Variants in RNGTT observed in about 807,000 individuals in gnomAD.
RNGTT encodes mRNA-capping enzyme.
In RNGTT, 33 loss-of-function variants were observed where a neutral mutation model predicts 79.3. The ratio of observed to expected loss-of-function variants is 0.42; its 90% confidence interval spans 0.32 to 0.56. The LOEUF is 0.56. RNGTT is among the 20% of genes least tolerant of loss of function. The pLI is 0.17. For missense variants in RNGTT, 497 were observed against 739.1 expected (o/e 0.67, Z 3.80); for synonymous variants, 222 against 235.9 (o/e 0.94, Z 0.54).
chr6:88,750,665 A>G (rs1184176062), intron 13 of RNGTT, among the ~76,000 whole-genome samples: 3 of 152,094 alleles, frequency 2.0e-5, no homozygotes, highest in Non-Finnish European at 2.9e-5. Flanking sequence ...TGATTTATTT[A>G]CTTCCATTAA....
At chr6:88,914,500 T>C (rs7452602) in intron 4 of RNGTT, among the ~76,000 whole-genome samples, 52,346 of 151,850 alleles carry the variant, frequency 0.34, 10,927 homozygotes, top group African/African-American at 0.59. Context: ...CTACAACTAA[T>C]CGATCTTCAA....
At chr6:88,689,548 C>G (rs1366861049) in intron 13 of RNGTT, among the ~76,000 whole-genome samples, 1 of 149,598 alleles carries the variant, frequency 6.7e-6, no homozygotes, top group African/African-American at 2.5e-5. Flanking sequence ...GAGCCGAGAT[C>G]GCGCCATTGC....
intron 13 of RNGTT, among the ~76,000 whole-genome samples, chr6:88,750,358 G>C (rs750682800): frequency 5.3e-5 from 8 of 152,196 alleles, no homozygotes; most frequent in African/African-American, 1.9e-4. Context: ...GCAATATAAT[G>C]CAAGTTTGAA....
intron 14 of RNGTT, among the ~76,000 whole-genome samples, chr6:88,639,932 C>T (rs1773245773): frequency 6.6e-6 from 1 of 152,162 alleles, no homozygotes; most frequent in Non-Finnish European, 1.5e-5. Flanking sequence ...CTCCTTCACA[C>T]CCTTCAATTC....
At chr6:88,845,387 T>A (rs1233726039) in intron 10 of RNGTT, among the ~76,000 whole-genome samples, 1 of 152,226 alleles carries the variant, frequency 6.6e-6, no homozygotes, top group Non-Finnish European at 1.5e-5. Flanking sequence ...AAAAAGTACA[T>A]GAACACTTTT....
intron 1 of RNGTT, among the ~76,000 whole-genome samples, chr6:88,955,874 C>T (rs1271883385): frequency 6.6e-6 from 1 of 151,618 alleles, no homozygotes; most frequent in Non-Finnish European, 1.5e-5. Flanking sequence ...CCCATCTCTA[C>T]TAAAAATACA....
At chr6:88,944,796 T>C (rs1012876304) in intron 1 of RNGTT, among the ~76,000 whole-genome samples, 1 of 152,216 alleles carries the variant, frequency 6.6e-6, no homozygotes, top group African/African-American at 2.4e-5. Context: ...GTGCATAATT[T>C]AGTTTTTGAG....
intron 13 of RNGTT, among the ~76,000 whole-genome samples, chr6:88,761,603 CCA>C (rs776415954): frequency 5.3e-5 from 8 of 152,110 alleles, no homozygotes; most frequent in Non-Finnish European, 8.8e-5. Context: ...TACTGTAAAT[CCA>C]CAGTTGGCAA....
At chr6:88,742,254 A>G (rs1777517674) in intron 13 of RNGTT, among the ~76,000 whole-genome samples, 1 of 152,218 alleles carries the variant, frequency 6.6e-6, no homozygotes, top group Admixed American at 6.5e-5. Context: ...GAAGGTCAAT[A>G]GCCCAAAGAG....
intron 13 of RNGTT, among the ~76,000 whole-genome samples, chr6:88,696,151 C>T (rs568152291): frequency 6.6e-6 from 1 of 152,230 alleles, no homozygotes; most frequent in Admixed American, 6.5e-5. Flanking sequence ...AAATTTCAAA[C>T]GTGCTCACCA....
At chr6:88,875,615 T>C (rs139713728) in intron 8 of RNGTT, among the ~76,000 whole-genome samples, 22 of 152,298 alleles carry the variant, frequency 1.4e-4, no homozygotes, top group African/African-American at 5.3e-4. Context: ...GTCTGTGACC[T>C]TGAAAAAGCT....
chr6:88,698,388 T>C (rs1054121053), intron 13 of RNGTT, among the ~76,000 whole-genome samples: 3 of 148,874 alleles, frequency 2.0e-5, no homozygotes, highest in Non-Finnish European at 4.5e-5. Flanking sequence ...ATCTTGATTT[T>C]TAAGTAATTA....
intron 14 of RNGTT, among the ~76,000 whole-genome samples, chr6:88,664,597 G>GA (rs926028999): frequency 3.9e-5 from 6 of 152,262 alleles, no homozygotes; most frequent in East Asian, 3.9e-4. Context: ...GGGGCTCCAG[G>GA]AAAAATACCC....
chr6:88,698,372 C>T (rs531254947), intron 13 of RNGTT, among the ~76,000 whole-genome samples: 1 of 146,004 alleles, frequency 6.8e-6, no homozygotes, highest in East Asian at 2.0e-4. Context: ...TGAAAAATTG[C>T]TAGCTATCTT....
At chr6:88,664,811 A>G (rs371378321) in intron 14 of RNGTT, among the ~76,000 whole-genome samples, 28 of 152,320 alleles carry the variant, frequency 1.8e-4, no homozygotes, top group African/African-American at 6.5e-4. Context: ...CAAGGAGCCC[A>G]TGGTCAGAAT....
chr6:88,819,103 T>C (rs529790131), intron 11 of RNGTT, among the ~76,000 whole-genome samples: 5 of 152,284 alleles, frequency 3.3e-5, no homozygotes, highest in Admixed American at 2.0e-4. Flanking sequence ...TATTATAACA[T>C]CTATGAGACC....
chr6:88,787,405 A>C lies in RNGTT; in HGVS notation c.1338+14159T>G, dbSNP rs529717914. 1.9e-3 allele frequency among the ~76,000 whole-genome samples: 294 copies of C among 152,286 alleles called. 1 individual carries two copies. Among genetic ancestry groups the C allele is most frequent in the African/African-American group, 6.2e-3 (257 of 41,550 alleles). The stretch of plus-strand genomic sequence containing the variant: ...GCCAGGCGTGGTGGCTCATGCCTGT[A>C]ATCCCAGCACTTTGGGAGGCCGAGG... On this transcript the variant is annotated intron_variant, in intron 12 of 15. Coordinates refer to ENST00000369485, the MANE Select transcript of RNGTT (RefSeq NM_003800.5).
intron 13 of RNGTT, among the ~76,000 whole-genome samples, chr6:88,751,106 A>G (rs1777824964): frequency 6.6e-6 from 1 of 152,180 alleles, no homozygotes; most frequent in Non-Finnish European, 1.5e-5. Flanking sequence ...TACTTAGAAC[A>G]ATGAAAGTTT....
chr6:88,641,338 T>TA (rs869118891), intron 14 of RNGTT, among the ~76,000 whole-genome samples: 25 of 136,702 alleles, frequency 1.8e-4, no homozygotes, highest in Admixed American at 3.7e-4. Context: ...GACTCTGTCT[T>TA]AAAAAAAAAA....
Sources: allele counts gnomAD v4.1 joint callset (sites outside exome capture counted in the v4.1 genomes callset), GRCh38; gene constraint gnomAD v4.1.1; transcripts MANE v1.5; gene names NCBI Gene and HGNC (gene_info 2026-07-23, HGNC 2026-07-21).